Variants in KCNH1 observed in about 807,000 individuals in gnomAD.
KCNH1 encodes potassium voltage-gated channel subfamily H member 1.
KCNH1 carries 27 observed loss-of-function variants against 69.2 expected under a neutral mutation model. That is an observed-to-expected ratio of 0.39 (90% CI 0.29 to 0.54). The LOEUF (loss-of-function observed/expected upper bound fraction) is 0.54, where lower values mean the gene tolerates loss of function less well. KCNH1 is among the 20% of genes least tolerant of loss of function. KCNH1 has a pLI of 0.68. For synonymous variants in KCNH1, 456 were observed against 487.7 expected (o/e 0.93, Z 0.86); for missense variants, 798 against 1,261.6 (o/e 0.63, Z 5.57).
intron 10 of KCNH1, among the ~76,000 whole-genome samples, chr1:210,699,069 A>G (rs140354395): frequency 2.3e-3 from 356 of 152,318 alleles, no homozygotes; most frequent in African/African-American, 8.4e-3. Context: ...CTGTCCCCGT[A>G]TTTTGGACCT....
intron 7 of KCNH1, among the ~76,000 whole-genome samples, chr1:210,819,948 A>T (rs530090633): frequency 1.3e-5 from 2 of 152,348 alleles, no homozygotes; most frequent in African/African-American, 4.8e-5. Context: ...CCCCAAGGAG[A>T]TGCACATCAT....
chr1:210,863,668 C>T (rs1046772717), intron 7 of KCNH1, among the ~76,000 whole-genome samples: 1 of 152,228 alleles, frequency 6.6e-6, no homozygotes, highest in Non-Finnish European at 1.5e-5. Context: ...TCTCAACCCT[C>T]CTCTTCACAG....
At chr1:211,012,160 G>T (rs931791099) in intron 6 of KCNH1, among the ~76,000 whole-genome samples, 1 of 152,166 alleles carries the variant, frequency 6.6e-6, no homozygotes, top group Non-Finnish European at 1.5e-5. Flanking sequence ...AAGGAAAAAA[G>T]AAGGAAATAT....
At chr1:210,749,539 A>G (rs186050724) in intron 10 of KCNH1, among the ~76,000 whole-genome samples, 59 of 152,216 alleles carry the variant, frequency 3.9e-4, no homozygotes, top group African/African-American at 1.4e-3. Flanking sequence ...GAAATGCAGA[A>G]TTTTGACCCC....
chr1:211,102,670 C>T (rs1293917332), intron 3 of KCNH1, among the ~76,000 whole-genome samples: 4 of 152,176 alleles, frequency 2.6e-5, no homozygotes, highest in Non-Finnish European at 5.9e-5. Context: ...ATGCCCTTTA[C>T]TTTCCAGGGC....
intron 10 of KCNH1, among the ~76,000 whole-genome samples, chr1:210,774,517 C>T (rs1252583783): frequency 6.6e-6 from 1 of 152,052 alleles, no homozygotes; most frequent in Non-Finnish European, 1.5e-5. Context: ...TAAATAGGAA[C>T]CGTGAGACAG....
At chr1:210,974,346 A>C (rs1688563309) in intron 6 of KCNH1, among the ~76,000 whole-genome samples, 1 of 152,108 alleles carries the variant, frequency 6.6e-6, no homozygotes. Context: ...TTTGATATTA[A>C]AACAGCCATG....
intron 6 of KCNH1, among the ~76,000 whole-genome samples, chr1:210,999,280 G>A (rs1171912981): frequency 6.6e-6 from 1 of 152,038 alleles, no homozygotes; most frequent in African/African-American, 2.4e-5. Flanking sequence ...GACTAATAAA[G>A]AAGAAAAGGG....
intron 10 of KCNH1, among the ~76,000 whole-genome samples, chr1:210,762,059 C>A (rs1277760124): frequency 1.3e-5 from 2 of 152,012 alleles, no homozygotes; most frequent in Non-Finnish European, 2.9e-5. Flanking sequence ...AAATAGAAAT[C>A]AATTCCAAAT....
intron 8 of KCNH1, among the ~76,000 whole-genome samples, chr1:210,800,605 C>T (rs1314449494): frequency 3.3e-5 from 5 of 152,154 alleles, no homozygotes; most frequent in Non-Finnish European, 7.3e-5. Context: ...TCATTTCCAT[C>T]GTTCTTTCCA....
At chr1:210,960,859 G>A (rs565925396) in intron 6 of KCNH1, among the ~76,000 whole-genome samples, 3 of 152,246 alleles carry the variant, frequency 2.0e-5, no homozygotes, top group African/African-American at 7.2e-5. Flanking sequence ...TCTATTTTAT[G>A]TTCCTACCAG....
intron 7 of KCNH1, among the ~76,000 whole-genome samples, chr1:210,841,895 A>T (rs1574289513): frequency 6.6e-6 from 1 of 152,136 alleles, no homozygotes; most frequent in Non-Finnish European, 1.5e-5. Context: ...CACACTCTGG[A>T]GGGGATAAAG....
chr1:210,795,452 G>A (rs1777247), intron 9 of KCNH1, among the ~76,000 whole-genome samples: 93,149 of 151,782 alleles, frequency 0.61, 28,993 homozygotes, highest in African/African-American at 0.66. Context: ...CGACCACCCC[G>A]CCCAGTTTCT....
intron 6 of KCNH1, among the ~76,000 whole-genome samples, chr1:210,948,334 A>G (rs1297261624): frequency 6.6e-6 from 1 of 152,234 alleles, no homozygotes; most frequent in Non-Finnish European, 1.5e-5. Context: ...GCTGTAGACA[A>G]AAATGAATAT....
At chr1:210,844,484 A>G (rs1313947481) in intron 7 of KCNH1, among the ~76,000 whole-genome samples, 1 of 152,246 alleles carries the variant, frequency 6.6e-6, no homozygotes, top group South Asian at 2.1e-4. Flanking sequence ...ACTACTGGGT[A>G]TATAATGAAA....
chr1:211,026,388 A>C (rs1348092231), intron 5 of KCNH1, among the ~76,000 whole-genome samples: 1 of 151,576 alleles, frequency 6.6e-6, no homozygotes, highest in East Asian at 1.9e-4. Flanking sequence ...AAAAAAAAAA[A>C]AAAAAAACAA....
Position 210,824,061 on chromosome 1 carries a change from A to G in KCNH1, c.1463-19895T>C, listed in dbSNP as rs565090437. 6.9e-4 allele frequency among the ~76,000 whole-genome samples: 105 copies of G among 152,222 alleles called. 1 individual carries two copies. In the South Asian group the frequency reaches 0.012, roughly 17 times the overall value. Reference sequence around the variant, plus strand: ...AGCAATCCTCCCACCTTGGCCTCCCAAAGTGTTGAGACTATACACATGAGC... The same window carrying G: ...AGCAATCCTCCCACCTTGGCCTCCCGAAGTGTTGAGACTATACACATGAGC... On this transcript the variant is annotated intron_variant, in intron 7 of 10. Coordinates refer to ENST00000271751, the MANE Select transcript of KCNH1 (RefSeq NM_172362.3).
chr1:210,988,059 T>C (rs1207712431), intron 6 of KCNH1, among the ~76,000 whole-genome samples: 2 of 152,190 alleles, frequency 1.3e-5, no homozygotes, highest in African/African-American at 4.8e-5. Flanking sequence ...AGTGAGATTC[T>C]GTGGGTGTAG....
chr1:210,801,050 A>G (rs1037121966), intron 8 of KCNH1, among the ~76,000 whole-genome samples: 2 of 152,206 alleles, frequency 1.3e-5, no homozygotes, highest in Non-Finnish European at 2.9e-5. Context: ...ACAAGTGTTC[A>G]ATGCCTGTGA....
Sources: allele counts gnomAD v4.1 joint callset (sites outside exome capture counted in the v4.1 genomes callset), GRCh38; gene constraint gnomAD v4.1.1; transcripts MANE v1.5; gene names NCBI Gene and HGNC (gene_info 2026-07-23, HGNC 2026-07-21).